The following SASH1 variants were observed in gnomAD, a reference collection of about 807,000 sequenced individuals.
SASH1 encodes SAM and SH3 domain-containing protein 1.
A neutral mutation model predicts 125.2 loss-of-function variants in SASH1; 44 were observed. The ratio of observed to expected loss-of-function variants is 0.35; its 90% CI spans 0.28 to 0.45. The LOEUF (loss-of-function observed/expected upper bound fraction) is 0.45. Among genes scored for constraint, SASH1 ranks in the 20% least tolerant of loss-of-function variants. The pLI, the probability that SASH1 is intolerant of heterozygous loss-of-function variation, is 1.00. For missense variants in SASH1, 1,426 were observed against 1,614.5 expected, an observed-to-expected ratio of 0.88 and a Z score of 2.00; for synonymous variants, 639 against 649.1, an observed-to-expected ratio of 0.98 and a Z score of 0.24.
Position 148,502,694 on chromosome 6 carries a change from A to G in SASH1, c.730-11630A>G, listed in dbSNP as rs892130988. Among the ~76,000 whole-genome samples, 32 of 151,604 alleles carry G rather than the reference A, an allele frequency of 2.1e-4. 1 individual carries two copies. The highest frequency in any genetic ancestry group is 1.6e-3 in the Admixed American group (25 of 15,232). ...GTGTCACATGCTGTTTATAAAAGCA[A>G]CAACATCAGCTGAGCTCTTCTTTGT... On this transcript the variant is annotated intron_variant, in intron 8 of 19. Coordinates refer to ENST00000367467, the MANE Select transcript of SASH1 (RefSeq NM_015278.5).
chr6:148,200,573 G>A, the SASH1 span, among the ~76,000 whole-genome samples: 1 of 152,222 alleles, frequency 6.6e-6, no homozygotes, highest in Non-Finnish European at 1.5e-5. Context: ...AAGGCGAGGT[G>A]ATTGGTGTGG....
At chr6:148,444,613 C>G (rs1404102309) in intron 4 of SASH1, among the ~76,000 whole-genome samples, 1 of 152,198 alleles carries the variant, frequency 6.6e-6, no homozygotes, top group Non-Finnish European at 1.5e-5. Context: ...TATGCTTTCA[C>G]TGGAAGTTTA....
At chr6:148,386,809 C>T (rs565510769) in intron 1 of SASH1, among the ~76,000 whole-genome samples, 13 of 152,244 alleles carry the variant, frequency 8.5e-5, no homozygotes, top group African/African-American at 3.1e-4. Flanking sequence ...CAAACTCACA[C>T]ACAAAAGGGA....
At chr6:148,512,880 C>T (rs1410926284) in intron 8 of SASH1, 1 of 985,070 alleles carries the variant, frequency 1.0e-6, no homozygotes, top group Admixed American at 6.2e-5. Flanking sequence ...TTATAGTTAA[C>T]CATAAGTGGG....
At chr6:148,261,670 C>A in the SASH1 span, among the ~76,000 whole-genome samples, 2 of 152,132 alleles carry the variant, frequency 1.3e-5, no homozygotes, top group Non-Finnish European at 2.9e-5. Context: ...ATCTTTGGGG[C>A]TCTGAGGTGG....
At chr6:148,477,975 G>C (rs778135476) in intron 7 of SASH1, among the ~76,000 whole-genome samples, 4 of 152,122 alleles carry the variant, frequency 2.6e-5, no homozygotes, top group Non-Finnish European at 5.9e-5. Flanking sequence ...GTGATTACGG[G>C]CATGAGTCAC....
chr6:148,346,313 C>T (rs1386676042), intron 1 of SASH1, among the ~76,000 whole-genome samples: 1 of 152,092 alleles, frequency 6.6e-6, no homozygotes, highest in Non-Finnish European at 1.5e-5. Flanking sequence ...TAATTCAGTC[C>T]ATGCACAGTT....
intron 1 of SASH1, among the ~76,000 whole-genome samples, chr6:148,302,666 C>T (rs1170122997): frequency 1.2e-4 from 8 of 64,436 alleles, no homozygotes; most frequent in South Asian, 5.9e-4. Context: ...TATATATACA[C>T]ACACACACAC....
At chr6:148,344,262 A>G (rs1164133047) in intron 1 of SASH1, among the ~76,000 whole-genome samples, 1 of 152,220 alleles carries the variant, frequency 6.6e-6, no homozygotes, top group Non-Finnish European at 1.5e-5. Context: ...ATCACCTGAA[A>G]ATTGAAGAAA....
chr6:148,234,686 G>T, the SASH1 span, among the ~76,000 whole-genome samples: 361 of 152,178 alleles, frequency 2.4e-3, 3 homozygotes, highest in Non-Finnish European at 3.5e-3. Context: ...AATTAACCAG[G>T]CGTGGTGGCA....
chr6:148,237,013 C>A, the SASH1 span, among the ~76,000 whole-genome samples: 4 of 152,198 alleles, frequency 2.6e-5, no homozygotes, highest in South Asian at 8.3e-4. Context: ...CGGATCTGGG[C>A]CCCTTGACCT....
At chr6:148,246,973 G>A in the SASH1 span, among the ~76,000 whole-genome samples, 1 of 152,148 alleles carries the variant, frequency 6.6e-6, no homozygotes, top group Non-Finnish European at 1.5e-5. Flanking sequence ...TTACAATCTA[G>A]TGGGGAGACA....
intron 7 of SASH1, 90 bp from the exon 8 acceptor site, chr6:148,487,524 A>C: frequency 1.1e-6 from 1 of 888,058 alleles, no homozygotes; most frequent in Non-Finnish European, 1.8e-6. Context: ...CCAGGAACCT[A>C]GATGTATTAT....
chr6:148,423,217 G>A (rs1019631036), intron 2 of SASH1, among the ~76,000 whole-genome samples: 10 of 152,216 alleles, frequency 6.6e-5, no homozygotes, highest in African/African-American at 2.4e-4. Flanking sequence ...GATTACAGGC[G>A]TGAGCCACCG....
At chr6:148,393,581 A>G (rs1783823385) in intron 2 of SASH1, 1 of 475,856 alleles carries the variant, frequency 2.1e-6, no homozygotes, top group Non-Finnish European at 2.7e-6. Context: ...TCTAGGTAGG[A>G]GAGAAAGTCT....
intron 1 of SASH1, among the ~76,000 whole-genome samples, chr6:148,328,198 G>A (rs933218433): frequency 6.6e-6 from 1 of 152,042 alleles, no homozygotes; most frequent in Non-Finnish European, 1.5e-5. Context: ...TGCTGTGCCT[G>A]GCTATTTTAT....
intron 17 of SASH1, among the ~76,000 whole-genome samples, chr6:148,541,255 T>C (rs1782200336): frequency 6.6e-6 from 1 of 151,210 alleles, no homozygotes. Flanking sequence ...CCAGGTTTGA[T>C]AGCTTTTAGC....
chr6:148,231,385 A>T, the SASH1 span, among the ~76,000 whole-genome samples: 8 of 152,074 alleles, frequency 5.3e-5, no homozygotes, highest in Non-Finnish European at 1.2e-4. Context: ...GAAGCTGTGG[A>T]CAAAATTTTG....
At chr6:148,197,335 AG>A in the SASH1 span, among the ~76,000 whole-genome samples, 3 of 152,234 alleles carry the variant, frequency 2.0e-5, no homozygotes, top group Admixed American at 6.5e-5. Context: ...AACTACATCA[AG>A]TCAGCACCTA....
Sources: gnomAD v4.1 joint callset for allele counts (sites outside exome capture counted in the v4.1 genomes callset) on GRCh38, gnomAD v4.1.1 for gene constraint, MANE v1.5 for transcripts, NCBI Gene and HGNC (gene_info 2026-07-23, HGNC 2026-07-21) for gene names.